The following USF3 variants were observed in gnomAD, a reference collection of about 807,000 sequenced individuals.
The protein encoded by USF3 is upstream transcription factor family member 3.
Under a neutral mutation model 157.5 loss-of-function variants are expected in USF3, and 29 were observed. The observed-to-expected ratio is 0.18, with a 90% CI of 0.14 to 0.25. USF3 has a LOEUF of 0.25. USF3 is among the 10% of genes least tolerant of loss of function. The probability of loss-of-function intolerance (pLI) is 1.00; values close to 1 mark genes in which losing one functional copy is unlikely to be tolerated. For synonymous variants in USF3, 893 were observed against 941.4 expected (o/e 0.95, Z 0.94); for missense variants, 2,381 against 2,667.6 (o/e 0.89, Z 2.37).
rs990579350 is a variant in USF3 at position 113,653,112 on chromosome 3, C to T, written c.*1832G>A. ...CTGGTCCTTGAGTTCACTTTGTTAA[C>T]AAGGCAGATAAAACAATTTCTATGC... On this transcript the variant is annotated 3_prime_UTR_variant, in exon 7 of 7. Coordinates refer to ENST00000316407, the MANE Select transcript of USF3 (RefSeq NM_001009899.4). The T allele has an allele frequency of 1.5e-5, 3 of 201,258 alleles. No homozygotes were observed. Among genetic ancestry groups the T allele is most frequent in the African/African-American group, 7.1e-5 (3 of 42,496 alleles). 12.5% of individuals were successfully genotyped at this position (201,258 alleles called of 1,614,324 possible).
At position 113,660,843 on chromosome 3, in the gene USF3, G is replaced by T; in HGVS notation, c.839C>A (p.Ser280Tyr). ...CTCTTGTCCATTCTTATTTTCAGAA[G>T]AATTTTGATCATTTAGGCATGTGTG... ...SLHTCLNDQN[S>Y]SENKNGQENP... Residue 280 changes from serine (S) to tyrosine (Y), a missense_variant, in exon 7 of 7, where the codon TCT becomes TAT. Transcript: ENST00000316407. 2 of 1,614,014 alleles carry T rather than the reference G, an allele frequency of 1.2e-6. No homozygotes were observed. The highest frequency in any genetic ancestry group is 1.3e-5 in the African/African-American group (1 of 74,900).
chr3:113,682,506 C>T (rs1223252452), intron 1 of USF3, among the ~76,000 whole-genome samples: 1 of 152,122 alleles, frequency 6.6e-6, no homozygotes, highest in Non-Finnish European at 1.5e-5. Context: ...GCAAATAAGT[C>T]TAATGTTTGT....
rs567224928 is a variant in USF3 at position 113,656,493 on chromosome 3, C to A, written c.5189G>T (p.Arg1730Leu). The A allele has an allele frequency of 1.9e-6, 3 of 1,614,164 alleles. No individual in the cohort carries two copies. Among genetic ancestry groups the A allele is most frequent in the Admixed American group, 3.3e-5 (2 of 60,024 alleles). Residue 1730 changes from arginine (R) to leucine (L), a missense_variant, in exon 7 of 7, where the codon CGC (arginine) becomes CTC (leucine). Around this residue, in one of 6 missense-constraint regions of USF3, gnomAD observed 770 missense variants for 824.2 expected, o/e 0.93. Transcript: ENST00000316407. ...RVDHTVASDIRLSDCQTFKPS... is the reference protein window; with the variant it reads ...RVDHTVASDILLSDCQTFKPS... ...TTTAAACGTCTGACAATCAGAAAGGCGGATATCTGAGGCCACAGTATGGTC... is the reference window on the plus strand; with the variant it reads ...TTTAAACGTCTGACAATCAGAAAGGAGGATATCTGAGGCCACAGTATGGTC...
intron 4 of USF3, among the ~76,000 whole-genome samples, chr3:113,670,913 T>C (rs1003430880): frequency 1.1e-4 from 16 of 152,140 alleles, no homozygotes; most frequent in African/African-American, 3.4e-4. Context: ...AACTATTTTT[T>C]TTTGTATTTT....
intron 1 of USF3, among the ~76,000 whole-genome samples, chr3:113,678,414 C>T (rs1305972797): frequency 1.3e-5 from 2 of 152,046 alleles, no homozygotes; most frequent in African/African-American, 2.4e-5. Flanking sequence ...GGGTCTATCA[C>T]ATAAGTAAAC....
intron 1 of USF3, among the ~76,000 whole-genome samples, chr3:113,695,086 T>A (rs886816680): frequency 1.3e-5 from 2 of 152,186 alleles, no homozygotes; most frequent in Non-Finnish European, 2.9e-5. Context: ...CTTCTTGTCT[T>A]GGGCCGCATT....
chr3:113,655,672 T>C lies in USF3; in HGVS notation c.6010A>G (p.Ser2004Gly), dbSNP rs370598522. 2.5e-6 allele frequency: 4 copies of C among 1,613,976 alleles called. No individual in the cohort carries two copies. In the African/African-American group the frequency reaches 4.0e-5, roughly 16 times the overall value. Residue 2004 changes from serine to glycine, a missense_variant, in exon 7 of 7, where the codon AGT becomes GGT. By Grantham distance (56) the Ser-to-Gly change is moderately conservative. Coordinates refer to ENST00000316407, the MANE Select transcript of USF3 (RefSeq NM_001009899.4). ...GGAAGACTTGGATCAAAGACAGTAC[T>C]TTGCCTTTGGTTTCCAGAACGATTC... ...ERNRSGNQRQ[S>G]TVFDPSLPHL...
rs747183688 is a variant in USF3 at position 113,657,239 on chromosome 3, C to T, written c.4443G>A (p.Gln1481=). The T allele has an allele frequency of 5.7e-5, 91 of 1,608,442 alleles. No individual in the cohort carries two copies. Among genetic ancestry groups the T allele is most frequent in the Non-Finnish European group, 7.5e-5 (88 of 1,178,806 alleles). Residue 1481 remains glutamine (Q), a synonymous_variant, in exon 7 of 7, where the codon CAG becomes CAA. Transcript: ENST00000316407. The part of the protein sequence containing the change: ...QQQQQQQQAG[Q]LRERHHLYQM... The stretch of plus-strand genomic sequence containing the variant: ...GATATAAGTGATGCCTCTCTCTTAA[C>T]TGCCCTGCTTGTTGTTGTTGCTGTT...
chr3:113,675,547 C>G (rs1305426499), intron 2 of USF3, among the ~76,000 whole-genome samples: 1 of 152,002 alleles, frequency 6.6e-6, no homozygotes, highest in Non-Finnish European at 1.5e-5. Context: ...TGGAAAAGGC[C>G]AGAAAGCAAA....
chr3:113,672,000 G>T (rs150043991), intron 4 of USF3, among the ~76,000 whole-genome samples: 1 of 151,466 alleles, frequency 6.6e-6, no homozygotes, highest in East Asian at 1.9e-4. Context: ...TGAACTCCTG[G>T]GCTCAAAATA....
At chr3:113,666,979 A>G (rs1431060439) in intron 5 of USF3, among the ~76,000 whole-genome samples, 1 of 152,078 alleles carries the variant, frequency 6.6e-6, no homozygotes, top group African/African-American at 2.4e-5. Flanking sequence ...TCTGGTTTTT[A>G]TCCTTCAGCT....
At position 113,656,983 on chromosome 3, in the gene USF3, G is replaced by C. The variant is rs1947373104; in HGVS notation, c.4699C>G (p.Gln1567Glu). ...PHHQQMQQQM[Q>E]QHFGSSQTEK... ...GTCTGGGAGCTTCCAAAGTGTTGCTGCATTTGTTGCTGCATCTGCTGATGG... is the reference window on the plus strand; with the variant it reads ...GTCTGGGAGCTTCCAAAGTGTTGCTCCATTTGTTGCTGCATCTGCTGATGG... Residue 1567 changes from glutamine to glutamate, a missense_variant, in exon 7 of 7, where the codon CAG becomes GAG. Gln to Glu is a conservative substitution (Grantham distance 29). This residue lies in a region of USF3 where 770 missense variants were observed against 824.2 expected (regional missense o/e 0.93). Coordinates refer to ENST00000316407, the MANE Select transcript of USF3 (RefSeq NM_001009899.4). 1 of 1,614,054 alleles carries C rather than the reference G, an allele frequency of 6.2e-7. No homozygotes were observed. Among genetic ancestry groups the C allele is most frequent in the Admixed American group, 1.7e-5 (1 of 60,002 alleles).
At chr3:113,683,464 CTTTT>C (rs5851905) in intron 1 of USF3, among the ~76,000 whole-genome samples, 1 of 87,080 alleles carries the variant, frequency 1.1e-5, no homozygotes, top group Non-Finnish European at 2.1e-5. Flanking sequence ...TTATCCCCTG[CTTTT>C]TTTTTTTTTT....
chr3:113,666,520 T>G (rs1358864915), intron 5 of USF3, among the ~76,000 whole-genome samples: 3 of 149,226 alleles, frequency 2.0e-5, no homozygotes. Context: ...CCCAAAGTGG[T>G]GGGATTACAG....
In USF3 at chr3:113,661,171, T is replaced by C; in HGVS notation, c.511A>G (p.Asn171Asp). 1 of 1,614,212 alleles carries C rather than the reference T, an allele frequency of 6.2e-7. No homozygotes were observed. The highest frequency in any genetic ancestry group is 8.5e-7 in the Non-Finnish European group (1 of 1,180,032). ...QGTAVQGITF[N>D]VSHNLQKQTA... Reference sequence around the variant, plus strand: ...TGCTTTTGTAAATTATGACTAACATTAAAAGTTATCCCCTGAACAGCTGTT... The same window carrying C: ...TGCTTTTGTAAATTATGACTAACATCAAAAGTTATCCCCTGAACAGCTGTT... The change falls in exon 7 of 7, where the codon AAT becomes GAT. Residue 171 changes from asparagine to aspartate, a missense_variant. Physicochemically the swap from Asn to Asp is conservative, Grantham distance 23 (BLOSUM62 1). Coordinates refer to ENST00000316407, the MANE Select transcript of USF3 (RefSeq NM_001009899.4).
rs1947236623 is a variant in USF3, at chr3:113,650,175, A to G, written c.*4769T>C. 11 of 305,230 alleles carry G rather than the reference A, an allele frequency of 3.6e-5. No individual in the cohort carries two copies. The South Asian group carries it at 5.2e-4, about 14-fold the overall frequency. 18.9% of individuals were successfully genotyped at this position (305,230 alleles called of 1,614,324 possible). A position where few individuals can be genotyped will look rare whatever the true frequency, so the allele number is the denominator to read the frequency against. The stretch of plus-strand genomic sequence containing the variant: ...CAGGCTCCTAAAGATATCACTCCAA[A>G]GCTGTTTCATTTTGGTATCACCTTT... On this transcript the variant is annotated 3_prime_UTR_variant, in exon 7 of 7. Transcript: ENST00000316407.
In USF3 at chr3:113,657,257, TTGC is replaced by T. The variant is rs1559706193; in HGVS notation, c.4422_4424del (p.Gln1478del). 1.3e-6 allele frequency: 2 copies of T among 1,561,654 alleles called. No individual in the cohort carries two copies. The highest frequency in any genetic ancestry group is 2.3e-5 in the South Asian group (2 of 88,444). On this transcript the variant is annotated inframe_deletion, in exon 7 of 7. Coordinates refer to ENST00000316407, the MANE Select transcript of USF3 (RefSeq NM_001009899.4). Reference sequence around the variant, plus strand: ...CTCTTAACTGCCCTGCTTGTTGTTGTTGCTGTTGCTGCTGCTGCTGCTGCTGCT... The same window carrying T: ...CTCTTAACTGCCCTGCTTGTTGTTGTTGTTGCTGCTGCTGCTGCTGCTGCT...
chr3:113,688,122 CTT>C (rs745486036), intron 1 of USF3, among the ~76,000 whole-genome samples: 7 of 144,106 alleles, frequency 4.9e-5, no homozygotes, highest in Admixed American at 6.9e-5. Flanking sequence ...CCCCCACTTT[CTT>C]TTTTTTTTTT....
At chr3:113,663,492 C>A (rs1343830345) in intron 6 of USF3, among the ~76,000 whole-genome samples, 1 of 152,278 alleles carries the variant, frequency 6.6e-6, no homozygotes, top group African/African-American at 2.4e-5. Flanking sequence ...TAAAAGTAAA[C>A]AAGGAGAATT....
Sources: gnomAD v4.1 joint callset for allele counts (sites outside exome capture counted in the v4.1 genomes callset) on GRCh38, gnomAD v4.1.1 for gene constraint, gnomAD v4.1.1 regional missense constraint, MANE v1.5 for transcripts, NCBI Gene and HGNC (gene_info 2026-07-23, HGNC 2026-07-21) for gene names.